Variants in MTRF1L observed in about 807,000 individuals in gnomAD.
MTRF1L encodes mitochondrial translation release factor 1 like, also known as peptide chain release factor 1-like, mitochondrial.
In MTRF1L, 29 loss-of-function variants were observed where a neutral mutation model predicts 40.0. That is an observed-to-expected ratio of 0.73 (90% CI 0.54 to 0.99). The LOEUF is 0.99. MTRF1L is among the 50% of genes least tolerant of loss of function. The probability of loss-of-function intolerance (pLI) is 0.00; values close to 1 mark genes in which losing one functional copy is unlikely to be tolerated. For missense variants in MTRF1L, 412 were observed against 464.5 expected (o/e 0.89, Z 1.04); for synonymous variants, 150 against 175.8 (o/e 0.85, Z 1.16).
chr6:152,993,568 T>C (rs1778605739), intron 4 of MTRF1L, among the ~76,000 whole-genome samples: 1 of 152,172 alleles, frequency 6.6e-6, no homozygotes, highest in Admixed American at 6.5e-5. Context: ...GTGACATCTC[T>C]GCAATGCTGA....
intron 2 of MTRF1L, among the ~76,000 whole-genome samples, chr6:152,997,981 C>T (rs1778770502): frequency 6.6e-6 from 1 of 151,982 alleles, no homozygotes; most frequent in Non-Finnish European, 1.5e-5. Flanking sequence ...GCATTAAATG[C>T]TGGTATATCA....
intron 2 of MTRF1L, among the ~76,000 whole-genome samples, chr6:152,996,545 G>A (rs1027193947): frequency 6.6e-6 from 1 of 152,116 alleles, no homozygotes; most frequent in Admixed American, 6.5e-5. Context: ...TTTCACATTT[G>A]CCTAAAGGGG....
At chr6:152,996,323 C>T (rs976796601) in intron 2 of MTRF1L, among the ~76,000 whole-genome samples, 9 of 152,174 alleles carry the variant, frequency 5.9e-5, no homozygotes, top group Non-Finnish European at 8.8e-5. Context: ...GCCAATACAA[C>T]ATTATCATTC....
At chr6:152,995,604 T>C (rs1778689356) in intron 2 of MTRF1L, among the ~76,000 whole-genome samples, 2 of 152,286 alleles carry the variant, frequency 1.3e-5, no homozygotes, top group South Asian at 4.1e-4. Context: ...ATCAGTTCTC[T>C]CTTCAGTTAA....
In MTRF1L at chr6:152,989,738, G is replaced by T; in HGVS notation, c.*157C>A. The T allele has an allele frequency of 1.4e-6, 1 of 736,030 alleles. No individual in the cohort carries two copies. 45.6% of individuals were successfully genotyped at this position (736,030 alleles called of 1,614,324 possible). A position where few individuals can be genotyped will look rare whatever the true frequency, so the allele number is the denominator to read the frequency against. On this transcript the variant is annotated 3_prime_UTR_variant, in exon 7 of 7. Transcript: ENST00000367233. Reference sequence around the variant, plus strand: ...TGTATGATTTTTGCTAATGCATTGAGAGAGATCTGTGTAAATTATCTATGA... The same window carrying T: ...TGTATGATTTTTGCTAATGCATTGATAGAGATCTGTGTAAATTATCTATGA...
intron 2 of MTRF1L, among the ~76,000 whole-genome samples, chr6:152,995,592 G>C (rs550956553): frequency 1.3e-5 from 2 of 152,016 alleles, no homozygotes; most frequent in Non-Finnish European, 2.9e-5. Context: ...TGTATGCTTT[G>C]TATCAGTTCT....
rs762415089 is a variant in MTRF1L at position 152,989,988 on chromosome 6, CATAAA to C, written c.1045_1049del (p.Phe349AlafsTer8). ...GTTCATCCAGTAGATAATCTCCTTG[CATAAA>C]AGTTTCAAGATCATGCAGCGTCTTG... On this transcript the variant is annotated frameshift_variant, in exon 7 of 7. Transcript: ENST00000367233. LOFTEE classifies it high-confidence loss of function. The C allele has an allele frequency of 1.2e-6, 2 of 1,613,724 alleles. No homozygotes were observed. The highest frequency in any genetic ancestry group is 2.2e-5 in the South Asian group (2 of 91,006).
At position 153,000,447 on chromosome 6, in the gene MTRF1L, C is replaced by G. The variant is rs764609456; in HGVS notation, c.260-1818G>C. On this transcript the variant is annotated intron_variant, in intron 1 of 6. Transcript: ENST00000367233. Reference sequence around the variant, plus strand: ...GGCTACTATATTGGACAGTGCAGCTCTAAAGGGTTTAGAATTAGGAGTTAC... The same window carrying G: ...GGCTACTATATTGGACAGTGCAGCTGTAAAGGGTTTAGAATTAGGAGTTAC... Among the ~76,000 whole-genome samples, 112 of 152,174 alleles carry G rather than the reference C, an allele frequency of 7.4e-4. 1 individual carries two copies. Among genetic ancestry groups the G allele is most frequent in the Admixed American group, 2.8e-3 (43 of 15,280 alleles).
At chr6:153,002,180 A>T (rs554930301) in intron 1 of MTRF1L, among the ~76,000 whole-genome samples, 71 of 152,326 alleles carry the variant, frequency 4.7e-4, no homozygotes, top group Non-Finnish European at 9.7e-4. Flanking sequence ...TGAGCTAATG[A>T]GCTCTTGCCC....
chr6:153,000,726 T>C (rs1051658451), intron 1 of MTRF1L, among the ~76,000 whole-genome samples: 1 of 152,154 alleles, frequency 6.6e-6, no homozygotes, highest in African/African-American at 2.4e-5. Flanking sequence ...CTAATTTACC[T>C]CTCAAGCTGT....
At chr6:152,991,164 T>C (rs763652258) in intron 6 of MTRF1L, 21 bp downstream of exon 6, 1 of 1,430,614 alleles carries the variant, frequency 7.0e-7, no homozygotes, top group South Asian at 1.3e-5. Flanking sequence ...TTTAAAAGCA[T>C]TTTTAAAATT....
chr6:152,991,556 T>TC, intron 5 of MTRF1L: 1 of 358,834 alleles, frequency 2.8e-6, no homozygotes, highest in Non-Finnish European at 4.8e-6. Context: ...TTTCTTTCTT[T>TC]TTTTGTCTGA....
intron 5 of MTRF1L, 119 bp from the exon 6 acceptor site, chr6:152,991,440 G>A (rs1487367697): frequency 3.4e-6 from 4 of 1,178,114 alleles, no homozygotes; most frequent in African/African-American, 3.2e-5. Flanking sequence ...AAAAACAGAG[G>A]ACTCTAATAA....
At chr6:152,991,108 C>A in intron 6 of MTRF1L, 77 bp downstream of exon 6, 2 of 964,550 alleles carry the variant, frequency 2.1e-6, no homozygotes, top group Non-Finnish European at 3.0e-6. Flanking sequence ...TATATAAAAA[C>A]CAAGTTATTT....
In MTRF1L at chr6:153,002,672, A is replaced by T. The variant is rs1285097399; in HGVS notation, c.14T>A (p.Val5Asp). 4.8e-5 allele frequency: 72 copies of T among 1,490,738 alleles called. No individual in the cohort carries two copies. Among genetic ancestry groups the T allele is most frequent in the Non-Finnish European group, 6.4e-5 (72 of 1,125,454 alleles). 92.3% of individuals were successfully genotyped at this position (1,490,738 alleles called of 1,614,324 possible). The change falls in exon 1 of 7, where the codon GTT (valine) becomes GAT (aspartate). Residue 5 changes from valine (V) to aspartate (D), a missense_variant. Transcript: ENST00000367233. ...GAGCCACCGGGCAGCGCCCCACAGA[A>T]CCCGGGACCGCATCCTTAGTCCGAG... Reference protein sequence around the residue: MRSRVLWGAARWLWP... With the variant: MRSRDLWGAARWLWP...
intron 5 of MTRF1L, among the ~76,000 whole-genome samples, chr6:152,992,284 A>C (rs1489764674): frequency 1.3e-5 from 2 of 152,186 alleles, no homozygotes; most frequent in Admixed American, 6.5e-5. Flanking sequence ...ATACCTGTGA[A>C]AGACGTTTAG....
rs1293780730 is a variant in MTRF1L at position 152,994,590 on chromosome 6, T to C, written c.610A>G (p.Arg204Gly). The change falls in exon 4 of 7, where the codon AGA becomes GGA. Residue 204 changes from arginine (R) to glycine (G), a missense_variant. Arg to Gly is a moderately radical substitution (Grantham distance 125). Transcript: ENST00000367233. The stretch of plus-strand genomic sequence containing the variant: ...CCTTGCTTTTCTGTCTTTGGCACTC[T>C]TTGTACTCTGTGAACACCTCCTTCA... ...KFEGGVHRVQ[R>G]VPKTEKQGRV... 6.2e-7 allele frequency: 1 copy of C among 1,613,646 alleles called. No homozygotes were observed. Among genetic ancestry groups the C allele is most frequent in the Admixed American group, 1.7e-5 (1 of 60,018 alleles).
At position 152,990,040 on chromosome 6, in the gene MTRF1L, C is replaced by T. The variant is rs1216613841; in HGVS notation, c.998G>A (p.Arg333Gln). The change falls in exon 7 of 7, where the codon CGG (arginine) becomes CAG (glutamine). Residue 333 changes from arginine to glutamine, a missense_variant. Transcript: ENST00000367233. Reference sequence around the variant, plus strand: ...CTTGTTTATTCTGTGATCTGTGACCCGGTTCTGTGGAAAATTATATGTTCT... The same window carrying T: ...CTTGTTTATTCTGTGATCTGTGACCTGGTTCTGTGGAAAATTATATGTTCT... ...KIRTYNFPQN[R>Q]VTDHRINKTL... is the part of the protein sequence containing the mutation. 16 of 1,613,706 alleles carry T rather than the reference C, an allele frequency of 9.9e-6. No homozygotes were observed. The highest frequency in any genetic ancestry group is 6.7e-5 in the African/African-American group (5 of 74,846).
chr6:153,001,134 A>G (rs1778902277), intron 1 of MTRF1L, among the ~76,000 whole-genome samples: 1 of 152,086 alleles, frequency 6.6e-6, no homozygotes, highest in Non-Finnish European at 1.5e-5. Context: ...GAGCCTCTCA[A>G]AGTGCTGGAA....
Sources: allele counts gnomAD v4.1 joint callset (sites outside exome capture counted in the v4.1 genomes callset), GRCh38; gene constraint gnomAD v4.1.1; transcripts MANE v1.5; gene names NCBI Gene and HGNC (gene_info 2026-07-23, HGNC 2026-07-21).